METTL8: variants seen among roughly 807,000 people sequenced by gnomAD.
The protein encoded by METTL8 is methyltransferase 8, tRNA N3-cytidine, also known as tRNA N(3)-cytidine methyltransferase METTL8, mitochondrial.
In METTL8, 32 loss-of-function variants were observed where a neutral mutation model predicts 48.7. That is an observed-to-expected ratio of 0.66 (90% CI 0.50 to 0.88). METTL8 has a LOEUF of 0.88. Ranked by LOEUF, METTL8 falls within the 40% of genes least tolerant of loss-of-function variation. The pLI is 0.00. For synonymous variants in METTL8, 136 were observed against 157.1 expected (o/e 0.87, Z 1.01); for missense variants, 464 against 474.4 (o/e 0.98, Z 0.20).
At chr2:171,407,396 G>A (rs1363266553) in intron 1 of METTL8, among the ~76,000 whole-genome samples, 1 of 152,012 alleles carries the variant, frequency 6.6e-6, no homozygotes, top group East Asian at 1.9e-4. Flanking sequence ...TACTGGTTAG[G>A]AATGAGGCCT....
chr2:171,367,149 T>A (rs1035334203), intron 2 of METTL8, among the ~76,000 whole-genome samples: 1 of 151,762 alleles, frequency 6.6e-6, no homozygotes, highest in Admixed American at 6.6e-5. Flanking sequence ...TTTTTCCAAA[T>A]TTGAAGATAA....
intron 2 of METTL8, among the ~76,000 whole-genome samples, chr2:171,382,490 T>C (rs1362480923): frequency 2.6e-5 from 4 of 152,000 alleles, no homozygotes; most frequent in Non-Finnish European, 5.9e-5. Flanking sequence ...CACTCATAAG[T>C]AGGAGTTGAA....
intron 3 of METTL8, among the ~76,000 whole-genome samples, chr2:171,341,983 T>G (rs545735873): frequency 9.9e-5 from 15 of 152,232 alleles, no homozygotes; most frequent in African/African-American, 3.6e-4. Context: ...GAATTTTCAT[T>G]TGAATTTTGA....
At chr2:171,339,603 T>G (rs769926850) in intron 3 of METTL8, 49 bp from the exon 4 acceptor site, 1 of 980,886 alleles carries the variant, frequency 1.0e-6, no homozygotes, top group Admixed American at 2.6e-5. Context: ...GAATTATATT[T>G]ACTATTAGCT....
upstream of METTL8, chr2:171,434,368 T>C (rs1693606181): frequency 2.4e-6 from 2 of 842,278 alleles, no homozygotes; most frequent in Middle Eastern, 3.4e-4. Context: ...GCTTCTTCCC[T>C]TCTCTCCGCG....
chr2:171,382,681 C>T (rs543605099), intron 2 of METTL8, among the ~76,000 whole-genome samples: 16 of 152,008 alleles, frequency 1.1e-4, no homozygotes, highest in African/African-American at 3.9e-4. Flanking sequence ...TGTAACAAAC[C>T]TGCACATTCT....
intron 1 of METTL8, among the ~76,000 whole-genome samples, chr2:171,423,704 T>G (rs1692111814): frequency 1.3e-5 from 2 of 152,154 alleles, no homozygotes; most frequent in Admixed American, 1.3e-4. Context: ...GAGAAAGAAA[T>G]TTCTAAGCAG....
chr2:171,394,327 AAATGGAATTTCAATCCTTT>A (rs1688855691), intron 1 of METTL8, among the ~76,000 whole-genome samples: 1 of 152,218 alleles, frequency 6.6e-6, no homozygotes, highest in Admixed American at 6.5e-5. Context: ...AGGCAAATCA[AAATGGAATTTCAATCCTTT>A]AAATAATCAC....
intron 1 of METTL8, chr2:171,433,300 TCTC>T (rs1559238771): frequency 6.7e-6 from 1 of 148,156 alleles, no homozygotes; most frequent in African/African-American, 2.4e-5. Flanking sequence ...TATTATTTTT[TCTC>T]ATCAAGTTAT....
intron 5 of METTL8, among the ~76,000 whole-genome samples, chr2:171,333,727 C>T (rs893404799): frequency 1.3e-5 from 2 of 152,184 alleles, no homozygotes; most frequent in Non-Finnish European, 2.9e-5. Flanking sequence ...AAACACTCAG[C>T]ACTATGTGGC....
At chr2:171,402,792 CT>C (rs2105597110) in intron 1 of METTL8, among the ~76,000 whole-genome samples, 1 of 152,046 alleles carries the variant, frequency 6.6e-6, no homozygotes, top group Non-Finnish European at 1.5e-5. Flanking sequence ...TAACATGAGC[CT>C]AGAGCATCTT....
chr2:171,374,164 G>T lies in METTL8; in HGVS notation c.144-13651C>A, dbSNP rs532398302. 1.3e-3 allele frequency among the ~76,000 whole-genome samples: 192 copies of T among 152,166 alleles called. 2 individuals are homozygous for T. Among genetic ancestry groups the T allele is most frequent in the African/African-American group, 4.2e-3 (174 of 41,526 alleles). On this transcript the variant is annotated intron_variant, in intron 2 of 9. Transcript: ENST00000375258. ...GTCCTCTTTTATTTAGAGGTCCTTC[G>T]CATCCCTTGTAAGTTGGATTCCTAG...
At chr2:171,402,479 G>A (rs1294880451) in intron 1 of METTL8, among the ~76,000 whole-genome samples, 1 of 152,136 alleles carries the variant, frequency 6.6e-6, no homozygotes, top group Admixed American at 6.6e-5. Context: ...AAACAAGGGA[G>A]AAGAAAAGGC....
At chr2:171,395,209 T>C (rs945023408) in intron 1 of METTL8, among the ~76,000 whole-genome samples, 1 of 152,200 alleles carries the variant, frequency 6.6e-6, no homozygotes, top group African/African-American at 2.4e-5. Context: ...ACTGTGTGAA[T>C]AAGTAGTATT....
intron 1 of METTL8, among the ~76,000 whole-genome samples, chr2:171,407,473 G>A (rs1690308491): frequency 6.6e-6 from 1 of 152,072 alleles, no homozygotes. Flanking sequence ...CAATGAGAAG[G>A]AACTACTGCT....
Position 171,392,193 on chromosome 2 carries a change from AG to A in METTL8, c.-9del, listed in dbSNP as rs746540700. ...TCTCCAAATCATATTCATCCTAAGC[AG>A]TACCTAAAAAGTTACAAATGATTAA... On this transcript the variant is annotated 5_prime_UTR_variant, in exon 2 of 10. It adds an upstream start codon to the 5' untranslated region. Coordinates refer to ENST00000375258, the MANE Select transcript of METTL8 (RefSeq NM_001321154.2). 3 of 1,549,752 alleles carry A rather than the reference AG, an allele frequency of 1.9e-6. No individual in the cohort carries two copies. The highest frequency in any genetic ancestry group is 2.6e-6 in the Non-Finnish European group (3 of 1,146,238).
chr2:171,427,867 C>A (rs1553538400), intron 1 of METTL8, among the ~76,000 whole-genome samples: 4 of 152,140 alleles, frequency 2.6e-5, no homozygotes, highest in Non-Finnish European at 5.9e-5. Flanking sequence ...CTTTCCCCTG[C>A]ACATTATGGA....
intron 3 of METTL8, among the ~76,000 whole-genome samples, chr2:171,349,958 GTCTTT>G (rs1243447230): frequency 4.0e-5 from 6 of 151,882 alleles, no homozygotes; most frequent in Admixed American, 1.3e-4. Flanking sequence ...CTAAATATTT[GTCTTT>G]TCTTTTATTA....
chr2:171,336,788 T>G (rs924956730), intron 5 of METTL8, among the ~76,000 whole-genome samples: 1 of 151,720 alleles, frequency 6.6e-6, no homozygotes, highest in Admixed American at 6.6e-5. Context: ...AAATGACATC[T>G]AAGTATCTAG....
Sources: gnomAD v4.1 joint callset for allele counts (sites outside exome capture counted in the v4.1 genomes callset) on GRCh38, gnomAD v4.1.1 for gene constraint, MANE v1.5 for transcripts, NCBI Gene and HGNC (gene_info 2026-07-23, HGNC 2026-07-21) for gene names.